The following RSU1 variants were observed in gnomAD, a reference collection of about 807,000 sequenced individuals.
The protein encoded by RSU1 is rsu-1.
A neutral mutation model predicts 31.1 loss-of-function variants in RSU1; 26 were observed. The observed-to-expected ratio is 0.84, with a 90% CI of 0.61 to 1.16. RSU1 has a LOEUF of 1.16. RSU1 is among the 50% of genes most tolerant of loss of function. The probability of loss-of-function intolerance (pLI) is 0.00; values close to 1 mark genes in which losing one functional copy is unlikely to be tolerated. For synonymous variants in RSU1, 164 were observed against 136.3 expected (o/e 1.20, Z -1.41); for missense variants, 320 against 339.1 (o/e 0.94, Z 0.44).
At chr10:16,778,171 T>G (rs1380784692) in intron 3 of RSU1, among the ~76,000 whole-genome samples, 1 of 151,708 alleles carries the variant, frequency 6.6e-6, no homozygotes, top group Non-Finnish European at 1.5e-5. Flanking sequence ...CTGGCTCATG[T>G]TTTTTTTAAG....
At chr10:16,790,194 G>A (rs1204465308) in intron 2 of RSU1, among the ~76,000 whole-genome samples, 2 of 152,136 alleles carry the variant, frequency 1.3e-5, no homozygotes, top group African/African-American at 4.8e-5. Flanking sequence ...AAGGACTCAC[G>A]CAGGCACTTA....
At chr10:16,753,302 A>G (rs1260761857) in intron 5 of RSU1, among the ~76,000 whole-genome samples, 1 of 152,244 alleles carries the variant, frequency 6.6e-6, no homozygotes, top group African/African-American at 2.4e-5. Flanking sequence ...TACTTCTCAT[A>G]GATTACTTTT....
At chr10:16,755,188 C>T (rs1457433476) in intron 4 of RSU1, among the ~76,000 whole-genome samples, 199 bp from the exon 5 acceptor site, 1 of 152,104 alleles carries the variant, frequency 6.6e-6, no homozygotes, top group Non-Finnish European at 1.5e-5. Flanking sequence ...GAGGCATGAT[C>T]TCAGCTCACT....
intron 8 of RSU1, among the ~76,000 whole-genome samples, chr10:16,688,482 G>T (rs1443663564): frequency 1.3e-5 from 2 of 152,122 alleles, no homozygotes; most frequent in African/African-American, 4.8e-5. Flanking sequence ...GGTAGCGAGC[G>T]CCTGCAGTCC....
rs929878991 is a variant in RSU1, at chr10:16,669,369, T to C, written c.731+25654A>G. 1.4e-3 allele frequency among the ~76,000 whole-genome samples: 208 copies of C among 144,658 alleles called. 4 individuals carry two copies. In the South Asian group the frequency reaches 0.047, roughly 33 times the overall value. 94.9% of individuals were successfully genotyped at this position (144,658 alleles called of 152,430 possible). ...TTCTTGAAATTAACATTTTCTGTTT[T>C]TTTTCCCCCCCCAAAGCACCATACT... On this transcript the variant is annotated intron_variant, in intron 8 of 8. Transcript: ENST00000345264.
At chr10:16,726,916 T>G (rs1836408157) in intron 7 of RSU1, 1 of 385,992 alleles carries the variant, frequency 2.6e-6, no homozygotes, top group African/African-American at 2.1e-5. Context: ...CAGAAGGGCG[T>G]TGCATATGGT....
At chr10:16,759,424 T>A (rs1283632615) in intron 4 of RSU1, among the ~76,000 whole-genome samples, 1 of 152,030 alleles carries the variant, frequency 6.6e-6, no homozygotes, top group Non-Finnish European at 1.5e-5. Flanking sequence ...GGAGGATCAT[T>A]TGAGCCCAGG....
At chr10:16,725,168 G>A (rs76996565) in intron 7 of RSU1, among the ~76,000 whole-genome samples, 7,870 of 152,124 alleles carry the variant, frequency 0.052, 644 homozygotes, top group African/African-American at 0.18. Context: ...GTACATGTAC[G>A]ATGCTTTAAT....
intron 4 of RSU1, among the ~76,000 whole-genome samples, chr10:16,761,724 C>T (rs1010899392): frequency 2.0e-5 from 3 of 152,074 alleles, no homozygotes; most frequent in African/African-American, 7.2e-5. Flanking sequence ...GGCGTGGTGG[C>T]AGGCGCCTGT....
At chr10:16,674,987 T>G (rs1232742076) in intron 8 of RSU1, among the ~76,000 whole-genome samples, 1 of 151,774 alleles carries the variant, frequency 6.6e-6, no homozygotes, top group South Asian at 2.1e-4. Flanking sequence ...GAGCCAAGAC[T>G]GTGCCACTAC....
rs542666785 is a variant in RSU1, at chr10:16,608,338, T to C, written c.732-14842A>G. ...GCCTGGGAAACATAGCAATACCCCATGTCTGTTTAAAAACAAAAACAAGTA... is the reference window on the plus strand; with the variant it reads ...GCCTGGGAAACATAGCAATACCCCACGTCTGTTTAAAAACAAAAACAAGTA... On this transcript the variant is annotated intron_variant, in intron 8 of 8. Coordinates refer to ENST00000345264, the MANE Select transcript of RSU1 (RefSeq NM_012425.4). Among the ~76,000 whole-genome samples, 3 of 152,306 alleles carry C rather than the reference T, an allele frequency of 2.0e-5. 1 individual carries two copies. The South Asian group carries it at 6.2e-4, about 32-fold the overall frequency.
chr10:16,785,280 GTTC>G (rs942828448), intron 2 of RSU1, among the ~76,000 whole-genome samples: 10 of 152,022 alleles, frequency 6.6e-5, no homozygotes, highest in Admixed American at 3.9e-4. Context: ...TGGACTCCAA[GTTC>G]TTCACCTTTG....
intron 4 of RSU1, 74 bp from the exon 5 acceptor site, chr10:16,755,063 T>C: frequency 1.2e-6 from 1 of 804,094 alleles, no homozygotes; most frequent in Non-Finnish European, 2.1e-6. Flanking sequence ...GGCACCTCTG[T>C]TTCAGACGCT....
At chr10:16,788,375 G>A (rs200746989) in intron 2 of RSU1, among the ~76,000 whole-genome samples, 34 of 152,292 alleles carry the variant, frequency 2.2e-4, no homozygotes, top group East Asian at 1.4e-3. Flanking sequence ...GTATTGGGAG[G>A]CGGGGCCTTT....
At chr10:16,610,609 C>T (rs1443982399) in intron 8 of RSU1, among the ~76,000 whole-genome samples, 1 of 152,178 alleles carries the variant, frequency 6.6e-6, no homozygotes, top group Non-Finnish European at 1.5e-5. Context: ...TTCCCATCAC[C>T]CCCAGATGGG....
intron 2 of RSU1, among the ~76,000 whole-genome samples, chr10:16,795,302 C>T (rs1305289406): frequency 2.1e-5 from 3 of 144,280 alleles, no homozygotes; most frequent in Non-Finnish European, 3.0e-5. Flanking sequence ...TGCAGTGAGC[C>T]GAGATCGCGC....
intron 7 of RSU1, among the ~76,000 whole-genome samples, chr10:16,712,307 G>C (rs1836037208): frequency 6.6e-6 from 1 of 152,050 alleles, no homozygotes; most frequent in Non-Finnish European, 1.5e-5. Flanking sequence ...TTTTAAATTT[G>C]AGACTTTAAT....
chr10:16,684,718 G>T (rs562414877), intron 8 of RSU1, among the ~76,000 whole-genome samples: 1 of 152,038 alleles, frequency 6.6e-6, no homozygotes, highest in Non-Finnish European at 1.5e-5. Context: ...AAACCATGCC[G>T]TTTGTGGTAC....
At chr10:16,753,699 G>A (rs1450840351) in intron 5 of RSU1, among the ~76,000 whole-genome samples, 1 of 152,130 alleles carries the variant, frequency 6.6e-6, no homozygotes, top group Non-Finnish European at 1.5e-5. Flanking sequence ...CCTACTGAAG[G>A]CTAAAATTCT....
Sources: gnomAD v4.1 joint callset for allele counts (sites outside exome capture counted in the v4.1 genomes callset) on GRCh38, gnomAD v4.1.1 for gene constraint, MANE v1.5 for transcripts, NCBI Gene and HGNC (gene_info 2026-07-23, HGNC 2026-07-21) for gene names.